CNKSR2: variants seen among roughly 807,000 people sequenced by gnomAD.
CNKSR2 encodes the protein CNK homolog protein 2.
In CNKSR2, 14 loss-of-function variants were observed where a neutral mutation model predicts 84.4. The observed-to-expected ratio is 0.17, with a 90% confidence interval of 0.11 to 0.26. The LOEUF (loss-of-function observed/expected upper bound fraction) is 0.26. CNKSR2 is among the 10% of genes least tolerant of loss of function. The pLI, the probability that CNKSR2 is intolerant of heterozygous loss-of-function variation, is 1.00. For synonymous variants in CNKSR2, 275 were observed against 277.9 expected (o/e 0.99, Z 0.10); for missense variants, 485 against 771.2 (o/e 0.63, Z 4.40).
rs775306570 is a variant in CNKSR2 at position 21,650,500 on chromosome X, AACC to A, written c.2889+1478_2889+1480del. Among the ~76,000 whole-genome samples the A allele has an allele frequency of 5.5e-5, 6 of 109,455 alleles. No homozygotes were observed. In the South Asian group the frequency reaches 2.5e-3, roughly 45 times the overall value. ...AGATGATGGGTTGATGGGTGCAGCAAACCACCATGGCACGTGTATACATATGTA... is the reference window on the plus strand; with the variant it reads ...AGATGATGGGTTGATGGGTGCAGCAAACCATGGCACGTGTATACATATGTA... On this transcript the variant is annotated intron_variant, in intron 21 of 21. Transcript: ENST00000379510.
chrX:21,524,987 G>T (rs1421568239), intron 9 of CNKSR2, among the ~76,000 whole-genome samples: 2 of 110,762 alleles, frequency 1.8e-5, no homozygotes, highest in Non-Finnish European at 3.8e-5. Context: ...TTAAGTGAAT[G>T]TTTTCTTTGC....
intron 13 of CNKSR2, among the ~76,000 whole-genome samples, chrX:21,564,575 T>C (rs933828526): frequency 5.4e-5 from 6 of 111,747 alleles, no homozygotes; most frequent in African/African-American, 1.9e-4. Flanking sequence ...TGAATGATTG[T>C]GCTTAATGCT....
chrX:21,487,643 T>C (rs935516184), intron 5 of CNKSR2, among the ~76,000 whole-genome samples: 6 of 111,974 alleles, frequency 5.4e-5, no homozygotes, highest in African/African-American at 1.9e-4. Flanking sequence ...AATGAAAATA[T>C]AACCACATAG....
intron 13 of CNKSR2, among the ~76,000 whole-genome samples, chrX:21,588,978 CTGAGTTATTATT>C (rs2092404594): frequency 8.9e-6 from 1 of 112,467 alleles, no homozygotes; most frequent in South Asian, 3.6e-4. Flanking sequence ...GCACACTAGC[CTGAGTTATTATT>C]TGAGTTATTA....
intron 20 of CNKSR2, among the ~76,000 whole-genome samples, chrX:21,640,381 A>G (rs1235394728): frequency 1.8e-5 from 2 of 111,852 alleles, no homozygotes; most frequent in African/African-American, 3.2e-5. Flanking sequence ...AGCTAAAGCT[A>G]GCATTCCAGT....
chrX:21,632,330 C>T (rs1251736428), intron 20 of CNKSR2, among the ~76,000 whole-genome samples: 2 of 111,812 alleles, frequency 1.8e-5, no homozygotes, highest in Non-Finnish European at 3.8e-5. Flanking sequence ...GATCTGCCCA[C>T]ACAACTAAGA....
At chrX:21,467,991 A>G (rs914295037) in intron 4 of CNKSR2, among the ~76,000 whole-genome samples, 4 of 111,621 alleles carry the variant, frequency 3.6e-5, no homozygotes, top group Non-Finnish European at 7.5e-5. Context: ...TAATAAAAAT[A>G]TATTAATATC....
intron 20 of CNKSR2, chrX:21,641,476 G>A: frequency 8.7e-7 from 1 of 1,151,566 alleles, no homozygotes; most frequent in East Asian, 3.2e-5. Flanking sequence ...ATATGCTTTG[G>A]AAATAATGGC....
intron 5 of CNKSR2, among the ~76,000 whole-genome samples, chrX:21,487,598 G>T (rs369792779): frequency 3.6e-5 from 4 of 111,767 alleles, no homozygotes; most frequent in African/African-American, 1.3e-4. Context: ...CATTCACAGT[G>T]TTATCTCCCC....
chrX:21,505,044 C>T (rs1452509299), intron 8 of CNKSR2: 3 of 255,569 alleles, frequency 1.2e-5, no homozygotes, highest in East Asian at 1.1e-4. Flanking sequence ...CCTCATGATG[C>T]ACTTTTAACA....
chrX:21,550,744 AGG>A (rs1424084924), intron 11 of CNKSR2, among the ~76,000 whole-genome samples: 11 of 112,059 alleles, frequency 9.8e-5, no homozygotes, highest in Admixed American at 7.6e-4. Context: ...ACCATAAAAA[AGG>A]ATGAGTTTGC....
intron 6 of CNKSR2, among the ~76,000 whole-genome samples, chrX:21,497,506 T>C (rs1045980371): frequency 9.0e-6 from 1 of 111,537 alleles, no homozygotes; most frequent in African/African-American, 3.3e-5. Context: ...TTCTTAGGAA[T>C]ATTGAATTAC....
chrX:21,638,026 T>G (rs2092679600), intron 20 of CNKSR2, among the ~76,000 whole-genome samples: 1 of 111,879 alleles, frequency 8.9e-6, no homozygotes, highest in Admixed American at 9.5e-5. Flanking sequence ...TGAAATAGAA[T>G]TGAGTTCTGT....
chrX:21,588,900 C>A (rs893202312), intron 13 of CNKSR2, among the ~76,000 whole-genome samples: 5 of 111,679 alleles, frequency 4.5e-5, no homozygotes, highest in Admixed American at 9.5e-5. Flanking sequence ...GGAAAAAAAA[C>A]CCCAATCAGT....
chrX:21,603,152 G>C (rs1249373094), intron 18 of CNKSR2, among the ~76,000 whole-genome samples: 1 of 112,285 alleles, frequency 8.9e-6, no homozygotes, highest in Admixed American at 9.4e-5. Flanking sequence ...TGTAAGTAGA[G>C]AATCATAGGC....
intron 11 of CNKSR2, among the ~76,000 whole-genome samples, chrX:21,553,591 C>G (rs2092113064): frequency 9.1e-6 from 1 of 109,785 alleles, no homozygotes; most frequent in Non-Finnish European, 1.9e-5. Context: ...TTCTTGCTGG[C>G]TTCACTAACA....
At chrX:21,601,399 G>A (rs1302003512) in intron 18 of CNKSR2, 50 bp downstream of exon 18, 1 of 772,935 alleles carries the variant, frequency 1.3e-6, no homozygotes, top group Non-Finnish European at 1.9e-6. Flanking sequence ...TTTTCCTGCA[G>A]TTATCCTATA....
chrX:21,378,288 C>G (rs987957850), intron 1 of CNKSR2, among the ~76,000 whole-genome samples: 2 of 111,597 alleles, frequency 1.8e-5, no homozygotes, highest in African/African-American at 3.3e-5. Flanking sequence ...GCATTTGAAA[C>G]TGACCTTCTT....
chrX:21,641,894 C>T (rs963811744), intron 20 of CNKSR2: 33 of 817,603 alleles, frequency 4.0e-5, no homozygotes, highest in Middle Eastern at 6.1e-4. Context: ...CAGAAAACTG[C>T]GGTTTCTGTG....
Sources: gnomAD v4.1 joint callset for allele counts (sites outside exome capture counted in the v4.1 genomes callset) on GRCh38, gnomAD v4.1.1 for gene constraint, MANE v1.5 for transcripts, NCBI Gene and HGNC (gene_info 2026-07-23, HGNC 2026-07-21) for gene names.